EFCC1: variants seen among roughly 807,000 people sequenced by gnomAD.
EFCC1 encodes the protein EF-hand and coiled-coil domain-containing protein 1.
In EFCC1, 50 loss-of-function variants were observed where a neutral mutation model predicts 52.1. The ratio of observed to expected loss-of-function variants is 0.96; its 90% confidence interval spans 0.76 to 1.21. EFCC1 has a LOEUF of 1.21. Ranked by LOEUF, EFCC1 falls within the 50% of genes most tolerant of loss-of-function variation. The probability of loss-of-function intolerance (pLI) is 0.00; values close to 1 mark genes in which losing one functional copy is unlikely to be tolerated. For missense variants in EFCC1, 837 were observed against 867.3 expected (o/e 0.97, Z 0.44); for synonymous variants, 399 against 396.5 (o/e 1.01, Z -0.08).
intron 5 of EFCC1, among the ~76,000 whole-genome samples, chr3:129,035,228 A>G (rs1946340331): frequency 1.3e-5 from 2 of 152,230 alleles, no homozygotes; most frequent in African/African-American, 4.8e-5. Context: ...AACTTTTTAA[A>G]AATGATACCA....
At chr3:129,021,824 A>G (rs1028537681) in intron 2 of EFCC1, among the ~76,000 whole-genome samples, 1 of 152,214 alleles carries the variant, frequency 6.6e-6, no homozygotes, top group Non-Finnish European at 1.5e-5. Context: ...ATTGAAATGT[A>G]TATCATAAAA....
intron 2 of EFCC1, among the ~76,000 whole-genome samples, chr3:129,008,521 CAATA>C (rs1945174726): frequency 6.6e-6 from 1 of 152,210 alleles, no homozygotes; most frequent in Non-Finnish European, 1.5e-5. Flanking sequence ...ACAGGATGGA[CAATA>C]AATATGTAAG....
chr3:129,036,993 A>G lies in EFCC1; in HGVS notation c.1469A>G (p.Lys490Arg). Residue 490 changes from lysine to arginine, a missense_variant, in exon 6 of 8, where the codon AAG becomes AGG. Coordinates refer to ENST00000683648, the MANE Select transcript of EFCC1 (RefSeq NM_001377500.1). ...TCTTCCCAGGCAGAGTTGCAGCAGA[A>G]GGTGGAAGAGAATGAGCACCTGAGG... Reference protein sequence around the residue: ...TSEEEAELQQKVEENEHLRLE... With the variant: ...TSEEEAELQQRVEENEHLRLE... The G allele has an allele frequency of 6.2e-7, 1 of 1,613,994 alleles. No individual in the cohort carries two copies. The highest frequency in any genetic ancestry group is 8.5e-7 in the Non-Finnish European group (1 of 1,180,002).
At chr3:129,015,787 C>T (rs1945555704) in intron 2 of EFCC1, among the ~76,000 whole-genome samples, 1 of 151,254 alleles carries the variant, frequency 6.6e-6, no homozygotes, top group Non-Finnish European at 1.5e-5. Context: ...CGCCCCCCTA[C>T]CCCAAGCTGT....
chr3:129,032,926 GC>G lies in EFCC1; in HGVS notation c.1248del (p.Lys417ArgfsTer23). The G allele has an allele frequency of 6.4e-7, 1 of 1,550,480 alleles. No homozygotes were observed. The highest frequency in any genetic ancestry group is 8.7e-7 in the Non-Finnish European group (1 of 1,146,558). On this transcript the variant is annotated frameshift_variant, in exon 4 of 8. Coordinates refer to ENST00000683648, the MANE Select transcript of EFCC1 (RefSeq NM_001377500.1). LOFTEE classifies it high-confidence loss of function. ...GGAGAAGAAGACGCCGGCAGCCGAG[GC>G]CAAGACACTGCTGGCCCGGCTCTCC... ...QEEKKTPAAE[A>X]KTLLARLSSC...
chr3:129,014,784 T>C lies in EFCC1; in HGVS notation c.980+10707T>C, dbSNP rs1239445821. On this transcript the variant is annotated intron_variant, in intron 2 of 7. Transcript: ENST00000683648. The surrounding 1 kb of genome is among the most constrained non-coding windows in gnomAD (Gnocchi z 4.3). ...CAAAATCACAGGGCTGGGCACAAGC[T>C]TGGCTTGTCTGCACTGCCTGCACGG... 6.6e-6 allele frequency among the ~76,000 whole-genome samples: 1 copy of C among 152,154 alleles called. No homozygotes were observed. Among genetic ancestry groups the C allele is most frequent in the East Asian group, 1.9e-4 (1 of 5,188 alleles).
intron 6 of EFCC1, among the ~76,000 whole-genome samples, chr3:129,038,396 G>A (rs569283410): frequency 1.5e-4 from 23 of 152,368 alleles, no homozygotes; most frequent in African/African-American, 4.6e-4. Flanking sequence ...GCAGCCTCAC[G>A]GTAGATGATG....
intron 2 of EFCC1, among the ~76,000 whole-genome samples, chr3:129,025,137 C>T (rs952718423): frequency 2.0e-5 from 3 of 151,980 alleles, no homozygotes; most frequent in Non-Finnish European, 4.4e-5. Context: ...GATCTGAGCC[C>T]GAGGTTCAAG....
rs1030853102 is a variant in EFCC1 at position 129,014,234 on chromosome 3, C to T, written c.980+10157C>T. ...TCGTGGACCAACTCTCAGTGCGTTA[C>T]GCTGTTGACCACCAGTAACTAAGCG... On this transcript the variant is annotated intron_variant, in intron 2 of 7. Transcript: ENST00000683648. The surrounding 1 kb of genome is among the most constrained non-coding windows in gnomAD (Gnocchi z 4.3). Among the ~76,000 whole-genome samples the T allele has an allele frequency of 2.6e-5, 4 of 152,222 alleles. No homozygotes were observed. The highest frequency in any genetic ancestry group is 1.3e-4 in the Admixed American group (2 of 15,284).
At chr3:129,027,196 T>C (rs917136672) in intron 2 of EFCC1, among the ~76,000 whole-genome samples, 7 of 152,170 alleles carry the variant, frequency 4.6e-5, no homozygotes, top group Non-Finnish European at 8.8e-5. Flanking sequence ...CGTGCAGCCC[T>C]GGGCCACTCA....
intron 2 of EFCC1, among the ~76,000 whole-genome samples, chr3:129,021,988 G>A (rs1945866019): frequency 6.6e-6 from 1 of 152,156 alleles, no homozygotes; most frequent in Non-Finnish European, 1.5e-5. Context: ...TGTTAGGGTT[G>A]GGGTCCTCTG....
chr3:129,015,145 T>C (rs1945514762), intron 2 of EFCC1, among the ~76,000 whole-genome samples: 1 of 152,168 alleles, frequency 6.6e-6, no homozygotes, highest in Non-Finnish European at 1.5e-5. Flanking sequence ...GTGACCATCA[T>C]GACTGTGAGT....
In EFCC1 at chr3:129,003,881, G is replaced by C. The variant is rs1944927129; in HGVS notation, c.784G>C (p.Gly262Arg). 1 of 1,403,788 alleles carries C rather than the reference G, an allele frequency of 7.1e-7. No homozygotes were observed. Among genetic ancestry groups the C allele is most frequent in the Non-Finnish European group, 9.3e-7 (1 of 1,080,822 alleles). The allele number at this position is 1,403,788 out of a possible 1,614,324, so 87.0% of individuals were successfully genotyped here. Residue 262 changes from glycine to arginine, a missense_variant, in exon 2 of 8, where the codon GGC becomes CGC. By Grantham distance (125) the Gly-to-Arg change is moderately radical (BLOSUM62 -2). Coordinates refer to ENST00000683648, the MANE Select transcript of EFCC1 (RefSeq NM_001377500.1). ...AAVRELRQAQ[G>R]ALAAAEARAG... ...GGTGCGGGAGCTGCGTCAGGCGCAG[G>C]GCGCCCTGGCTGCGGCGGAGGCCCG...
At chr3:129,036,501 C>CCAA (rs911191270) in intron 5 of EFCC1, among the ~76,000 whole-genome samples, 36 of 152,242 alleles carry the variant, frequency 2.4e-4, no homozygotes, top group African/African-American at 8.4e-4. Context: ...CCCAAGACTC[C>CCAA]GACTGGGCCA....
In EFCC1 at chr3:129,033,032, G is replaced by A. The variant is rs1303174320; in HGVS notation, c.1286+66G>A. Reference sequence around the variant, plus strand: ...CTCCAGAGGTGTCTGGGGAAGCCAGGAGCACCTGGGAGGCTGGTTAGCCTG... The same window carrying A: ...CTCCAGAGGTGTCTGGGGAAGCCAGAAGCACCTGGGAGGCTGGTTAGCCTG... On this transcript the variant is annotated intron_variant, in intron 4 of 7. Coordinates refer to ENST00000683648, the MANE Select transcript of EFCC1 (RefSeq NM_001377500.1). 13 of 1,432,202 alleles carry A rather than the reference G, an allele frequency of 9.1e-6. No homozygotes were observed. The East Asian group carries it at 3.2e-4, about 35-fold the overall frequency. 88.7% of individuals were successfully genotyped at this position (1,432,202 alleles called of 1,614,324 possible). A position where few individuals can be genotyped will look rare whatever the true frequency, so the allele number is the denominator to read the frequency against.
chr3:129,020,277 A>T lies in EFCC1; in HGVS notation c.981-10426A>T, dbSNP rs75114127. Among the ~76,000 whole-genome samples, 905 of 152,314 alleles carry T rather than the reference A, an allele frequency of 5.9e-3. 11 individuals are homozygous for T. Among genetic ancestry groups the T allele is most frequent in the African/African-American group, 0.019 (791 of 41,568 alleles). ...ATTTGTTAAGTGCCTACTCTGTGCC[A>T]GGCACATACATCCCTAATTTAGCCC... On this transcript the variant is annotated intron_variant, in intron 2 of 7. Coordinates refer to ENST00000683648, the MANE Select transcript of EFCC1 (RefSeq NM_001377500.1).
At position 129,038,851 on chromosome 3, in the gene EFCC1, G is replaced by A. The variant is rs1280375741; in HGVS notation, c.1614G>A (p.Leu538=). 1.9e-6 allele frequency: 3 copies of A among 1,613,926 alleles called. No individual in the cohort carries two copies. Among genetic ancestry groups the A allele is most frequent in the Non-Finnish European group, 2.5e-6 (3 of 1,179,994 alleles). ...TTAAGAACATATCGAAAAGAGCCCT[G>A]GGGAAGATTTTGCTGAGCACGCTGG... ...LRDLNISKRA[L]GKILLSTLDA... Residue 538 remains leucine, a synonymous_variant, in exon 7 of 8, where the codon CTG becomes CTA. Transcript: ENST00000683648.
intron 3 of EFCC1, among the ~76,000 whole-genome samples, chr3:129,032,013 G>A (rs1174476302): frequency 6.6e-6 from 1 of 152,120 alleles, no homozygotes; most frequent in Non-Finnish European, 1.5e-5. Context: ...GGACGGGGAT[G>A]GGGACTGAGG....
At chr3:129,039,194 G>A (rs769826469) in intron 7 of EFCC1, among the ~76,000 whole-genome samples, 4 of 152,176 alleles carry the variant, frequency 2.6e-5, no homozygotes, top group African/African-American at 9.7e-5. Flanking sequence ...TCCTTACAAT[G>A]GCCCTAGAAG....
Sources: allele counts gnomAD v4.1 joint callset (sites outside exome capture counted in the v4.1 genomes callset), GRCh38; gene constraint gnomAD v4.1.1; non-coding constraint Gnocchi (gnomAD v3.1); transcripts MANE v1.5; gene names NCBI Gene and HGNC (gene_info 2026-07-23, HGNC 2026-07-21).